SLC12A7: variants seen among roughly 807,000 people sequenced by gnomAD.
SLC12A7 encodes solute carrier family 12 member 7, also known as K-Cl cotransporter 4.
A neutral mutation model predicts 120.6 loss-of-function variants in SLC12A7; 100 were observed. That is an observed-to-expected ratio of 0.83 (90% CI 0.71 to 0.98). The LOEUF (loss-of-function observed/expected upper bound fraction) is 0.98. Ranked by LOEUF, SLC12A7 falls within the 50% of genes least tolerant of loss-of-function variation. SLC12A7 has a pLI of 0.00. For missense variants in SLC12A7, 1,373 were observed against 1,548.1 expected (o/e 0.89, Z 1.90); for synonymous variants, 760 against 678.0 (o/e 1.12, Z -1.88).
intron 1 of SLC12A7, among the ~76,000 whole-genome samples, chr5:1,106,827 A>C (rs189105030): frequency 3.7e-4 from 57 of 152,268 alleles, no homozygotes; most frequent in Admixed American, 3.3e-3. Flanking sequence ...GGCCTCCCTC[A>C]TATTTTAGGA....
intron 1 of SLC12A7, among the ~76,000 whole-genome samples, chr5:1,104,611 G>A (rs1742325328): frequency 6.6e-6 from 1 of 152,184 alleles, no homozygotes; most frequent in Admixed American, 6.5e-5. Flanking sequence ...GTCAACACAG[G>A]CCTGGGCGGG....
At chr5:1,059,259 G>T (rs1460373987) in intron 21 of SLC12A7, among the ~76,000 whole-genome samples, 1 of 152,178 alleles carries the variant, frequency 6.6e-6, no homozygotes, top group Non-Finnish European at 1.5e-5. Context: ...GTCTGGGAGT[G>T]GACAGGACCG....
the SLC12A7 span, among the ~76,000 whole-genome samples, chr5:1,120,808 C>T: frequency 1.3e-5 from 2 of 152,178 alleles, no homozygotes; most frequent in Non-Finnish European, 1.5e-5. Flanking sequence ...CTACGTGAAG[C>T]TCAAGGGCAG....
chr5:1,072,435 C>T (rs1422809981), intron 17 of SLC12A7, among the ~76,000 whole-genome samples: 1 of 5,400 alleles, frequency 1.9e-4, no homozygotes. Context: ...AGCACACGGG[C>T]ATCACACTTA....
chr5:1,076,513 G>A (rs777008510), intron 13 of SLC12A7, among the ~76,000 whole-genome samples, 181 bp downstream of exon 13: 4 of 138,342 alleles, frequency 2.9e-5, no homozygotes, highest in Admixed American at 1.5e-4. Context: ...CCCAGCGGGC[G>A]GCTGCCTGGA....
the SLC12A7 span, among the ~76,000 whole-genome samples, chr5:1,139,637 C>G: frequency 6.6e-6 from 1 of 152,374 alleles, no homozygotes. Flanking sequence ...CCCCATGTTC[C>G]TCTGTAGGCG....
chr5:1,091,922 CAG>C (rs141143144), intron 3 of SLC12A7, among the ~76,000 whole-genome samples: 7,849 of 152,282 alleles, frequency 0.052, 308 homozygotes, highest in South Asian at 0.099. Flanking sequence ...GAGCTACAGA[CAG>C]GGGGGGCGGC....
chr5:1,125,779 G>C, the SLC12A7 span, among the ~76,000 whole-genome samples: 1 of 152,034 alleles, frequency 6.6e-6, no homozygotes. Flanking sequence ...ACACAAATTA[G>C]CCAGGCATGG....
intron 1 of SLC12A7, among the ~76,000 whole-genome samples, chr5:1,096,470 G>C (rs916061020): frequency 9.9e-5 from 15 of 151,954 alleles, no homozygotes; most frequent in Non-Finnish European, 4.4e-5. Flanking sequence ...AATTATAGGT[G>C]TCTTTCCAAG....
At position 1,093,516 on chromosome 5, in the gene SLC12A7, G is replaced by A. The variant is rs373196026; in HGVS notation, c.342+17C>T. 6.9e-5 allele frequency: 55 copies of A among 793,350 alleles called. No homozygotes were observed. The highest frequency in any genetic ancestry group is 1.8e-4 in the East Asian group (5 of 27,904). The allele number at this position is 793,350 out of a possible 1,614,324, so 49.1% of individuals were successfully genotyped here. ...CACGGGGCGGGGACTGGGCGGGCAC[G>A]GGCAGGGTGGCAGTACCTTGGCCTC... On this transcript the variant is annotated intron_variant, in intron 3 of 23. Coordinates refer to ENST00000264930, the MANE Select transcript of SLC12A7 (RefSeq NM_006598.3).
chr5:1,063,808 C>T (rs1736600526), intron 20 of SLC12A7, 36 bp downstream of exon 20: 1 of 962,600 alleles, frequency 1.0e-6, no homozygotes. Flanking sequence ...TCCCCACCTC[C>T]CCCCGGCCTC....
intron 1 of SLC12A7, among the ~76,000 whole-genome samples, chr5:1,106,851 T>C (rs570976583): frequency 3.3e-5 from 5 of 152,314 alleles, no homozygotes; most frequent in East Asian, 3.9e-4. Flanking sequence ...ACAGGATCCT[T>C]ACACTAAAGC....
At chr5:1,115,324 G>C (rs779283327), upstream of SLC12A7, among the ~76,000 whole-genome samples, 1 of 152,194 alleles carries the variant, frequency 6.6e-6, no homozygotes, top group Non-Finnish European at 1.5e-5. Flanking sequence ...TAATGGATTA[G>C]GACGGACACC....
chr5:1,141,769 G>A, the SLC12A7 span, among the ~76,000 whole-genome samples: 481 of 152,362 alleles, frequency 3.2e-3, 5 homozygotes, highest in African/African-American at 0.011. Context: ...GAATAACTCC[G>A]TTGGTGCAGA....
intron 1 of SLC12A7, among the ~76,000 whole-genome samples, chr5:1,099,115 G>T (rs1056391107): frequency 6.6e-6 from 1 of 152,090 alleles, no homozygotes; most frequent in African/African-American, 2.4e-5. Flanking sequence ...CTGCCCAGGC[G>T]CCATGCACCA....
chr5:1,112,871 T>TCCCCCCCCCCCC (rs70957329), upstream of SLC12A7, among the ~76,000 whole-genome samples: 2 of 112,002 alleles, frequency 1.8e-5, no homozygotes, highest in East Asian at 3.1e-4. Flanking sequence ...GTAGAGGGAG[T>TCCCCCCCCCCCC]CCCCCCCCCC....
chr5:1,077,026 C>T (rs10474878), intron 12 of SLC12A7, among the ~76,000 whole-genome samples: 9,594 of 151,886 alleles, frequency 0.063, 1,039 homozygotes, highest in African/African-American at 0.22. Flanking sequence ...TGCCTACGCC[C>T]GGCTTGCCTG....
At chr5:1,066,407 C>CA (rs1056764556) in intron 17 of SLC12A7, among the ~76,000 whole-genome samples, 92 of 152,142 alleles carry the variant, frequency 6.0e-4, no homozygotes, top group African/African-American at 2.1e-3. Context: ...AGTTGGGACT[C>CA]AGAGCTGGTC....
chr5:1,126,443 A>G, the SLC12A7 span, among the ~76,000 whole-genome samples: 1 of 152,348 alleles, frequency 6.6e-6, no homozygotes, highest in South Asian at 2.1e-4. Context: ...ACTTTTTAAA[A>G]CATTTTAAAT....
Sources: gnomAD v4.1 joint callset for allele counts (sites outside exome capture counted in the v4.1 genomes callset) on GRCh38, gnomAD v4.1.1 for gene constraint, MANE v1.5 for transcripts, NCBI Gene and HGNC (gene_info 2026-07-23, HGNC 2026-07-21) for gene names.